Variants in ABCC5 observed in about 807,000 individuals in gnomAD.
ABCC5 encodes the protein ATP binding cassette subfamily C member 5.
ABCC5 carries 61 observed loss-of-function variants against 160.9 expected under a neutral mutation model. The observed-to-expected ratio is 0.38, with a 90% CI of 0.31 to 0.47. ABCC5 has a LOEUF of 0.47. Among genes scored for constraint, ABCC5 ranks in the 20% least tolerant of loss-of-function variants. The pLI is 0.99. For synonymous variants in ABCC5, 666 were observed against 700.6 expected (o/e 0.95, Z 0.78); for missense variants, 1,308 against 1,813.3 (o/e 0.72, Z 5.06).
At chr3:183,999,571 A>C (rs935698404) in intron 2 of ABCC5, among the ~76,000 whole-genome samples, 3 of 152,046 alleles carry the variant, frequency 2.0e-5, no homozygotes, top group Non-Finnish European at 4.4e-5. Context: ...TGAGCCCAGG[A>C]GTTCAAGACC....
intron 2 of ABCC5, among the ~76,000 whole-genome samples, chr3:183,990,106 T>TTTTTA (rs1257146843): frequency 1.3e-5 from 2 of 148,808 alleles, no homozygotes; most frequent in African/African-American, 2.5e-5. Context: ...CCCGGCCCTG[T>TTTTTA]TTTTATTTTA....
Position 183,921,257 on chromosome 3 carries a change from T to C in ABCC5, c.*43A>G, listed in dbSNP as rs767877223. On this transcript the variant is annotated 3_prime_UTR_variant, in exon 30 of 30. Transcript: ENST00000334444. The surrounding 1 kb of genome is among the most constrained non-coding windows in gnomAD (Gnocchi z 4.1). ...TGAGGGGCCCGCCCCAGGCAGGGAATGGCAATGCTCTAAAGAAAAGAGACT... is the reference window on the plus strand; with the variant it reads ...TGAGGGGCCCGCCCCAGGCAGGGAACGGCAATGCTCTAAAGAAAAGAGACT... 11 of 1,191,624 alleles carry C rather than the reference T, an allele frequency of 9.2e-6. No individual in the cohort carries two copies. The South Asian group carries it at 1.4e-4, about 16-fold the overall frequency. 73.8% of individuals were successfully genotyped at this position (1,191,624 alleles called of 1,614,324 possible).
At chr3:183,942,559 A>G (rs1714473010) in intron 25 of ABCC5, 168 bp downstream of exon 25, 1 of 820,696 alleles carries the variant, frequency 1.2e-6, no homozygotes, top group African/African-American at 1.7e-5. Flanking sequence ...AAAGCACTCA[A>G]TGTCATCAAA....
At chr3:183,979,046 A>T (rs1330632975) in intron 8 of ABCC5, among the ~76,000 whole-genome samples, 1 of 152,198 alleles carries the variant, frequency 6.6e-6, no homozygotes, top group Admixed American at 6.5e-5. Context: ...AGAATTAAAA[A>T]GGGAGGGACT....
At position 183,947,468 on chromosome 3, in the gene ABCC5, CA is replaced by C. The variant is rs749943218; in HGVS notation, c.3269del (p.Leu1090CysfsTer26). On this transcript the variant is annotated frameshift_variant, in exon 23 of 30. Transcript: ENST00000334444. LOFTEE classifies it high-confidence loss of function. ...CCAGCCACCGCATCGCACACGTAAA[CA>C]AAAAAAAAGGAGCTTGGTTGTCATC... ...LLDDNQAPFF[L>X]FTCAMRWLAV... The C allele has an allele frequency of 1.6e-4, 249 of 1,579,496 alleles. No individual in the cohort carries two copies. Among genetic ancestry groups the C allele is most frequent in the South Asian group, 5.8e-4 (50 of 86,412 alleles).
chr3:183,953,002 CA>C, intron 18 of ABCC5, 83 bp downstream of exon 18: 1 of 1,391,514 alleles, frequency 7.2e-7, no homozygotes, highest in South Asian at 1.4e-5. Flanking sequence ...AAAACTAGAA[CA>C]GTTTCCCTAA....
In ABCC5 at chr3:183,951,781, G is replaced by A. The variant is rs1715373957; in HGVS notation, c.2814+76C>T. 1 of 1,561,708 alleles carries A rather than the reference G, an allele frequency of 6.4e-7. No homozygotes were observed. Among genetic ancestry groups the A allele is most frequent in the African/African-American group, 1.3e-5 (1 of 74,180 alleles). On this transcript the variant is annotated intron_variant, in intron 19 of 29. Coordinates refer to ENST00000334444, the MANE Select transcript of ABCC5 (RefSeq NM_005688.4). The surrounding 1 kb of genome is among the most constrained non-coding windows in gnomAD (Gnocchi z 4.7). ...TTAAGGGAGCTCCCCTACTCAGCAT[G>A]AACTGAGAGACGCCACACCAAAGCC...
rs1715172836 is a variant in ABCC5, at chr3:183,949,795, G to C, written c.3185C>G (p.Ala1062Gly). Residue 1062 changes from alanine (A) to glycine (G), a missense_variant, in exon 22 of 30, where the codon GCC (alanine) becomes GGC (glycine). By Grantham distance (60) the Ala-to-Gly change is moderately conservative. This residue lies in a region of ABCC5 where 1,142 missense variants were observed against 1,527.1 expected (regional missense o/e 0.75). Coordinates refer to ENST00000334444, the MANE Select transcript of ABCC5 (RefSeq NM_005688.4). The surrounding 1 kb of genome is among the most constrained non-coding windows in gnomAD (Gnocchi z 4.2). ...CCCTTTATTGTAGGCGTGGATGGTG[G>C]CAAGGCCCTGTATGCTGGACGTGAT... ...SHITSSIQGLATIHAYNKGQE... is the reference protein window; with the variant it reads ...SHITSSIQGLGTIHAYNKGQE... 1 of 1,614,090 alleles carries C rather than the reference G, an allele frequency of 6.2e-7. No individual in the cohort carries two copies.
At chr3:183,994,979 G>T (rs1233133664) in intron 2 of ABCC5, among the ~76,000 whole-genome samples, 1 of 150,686 alleles carries the variant, frequency 6.6e-6, no homozygotes, top group Non-Finnish European at 1.5e-5. Flanking sequence ...CACCTCCCAA[G>T]TAGCTGGGAC....
At chr3:183,985,243 A>C in intron 5 of ABCC5, 1 of 1,380,738 alleles carries the variant, frequency 7.2e-7, no homozygotes, top group Non-Finnish European at 1.0e-6. Context: ...AGAAAACTTG[A>C]GACTGTTAGC....
At chr3:183,985,248 G>A in intron 5 of ABCC5, 1 of 1,427,870 alleles carries the variant, frequency 7.0e-7, no homozygotes. Context: ...ACTTGAGACT[G>A]TTAGCATAGC....
Position 183,949,754 on chromosome 3 carries a change from T to A in ABCC5, c.3226A>T (p.Arg1076Ter). 6.2e-7 allele frequency: 1 copy of A among 1,614,074 alleles called. No individual in the cohort carries two copies. Among genetic ancestry groups the A allele is most frequent in the Non-Finnish European group, 8.5e-7 (1 of 1,179,952 alleles). The change falls in exon 22 of 30, where the codon AGA becomes TGA. Residue 1076 changes from arginine to a stop codon, truncating the protein, a stop_gained and splice_region_variant. Transcript: ENST00000334444. LOFTEE classifies it high-confidence loss of function. This position sits in a 1 kb window ranked among gnomAD's most constrained non-coding sequence, Gnocchi z 4.2. ...AYNKGQEFLH[R>*]YQELLDDNQA... ...CCTCTAGCCCCCATCAGGACAAACCTGTGCAGAAACTCCTGCCCTTTATTG... is the reference window on the plus strand; with the variant it reads ...CCTCTAGCCCCCATCAGGACAAACCAGTGCAGAAACTCCTGCCCTTTATTG...
chr3:183,947,965 C>T (rs544899937), intron 22 of ABCC5, among the ~76,000 whole-genome samples: 1 of 152,316 alleles, frequency 6.6e-6, no homozygotes, highest in East Asian at 1.9e-4. Context: ...TAAGTGTGTG[C>T]ACATGCCGCC....
At chr3:183,959,647 T>C (rs2108814481) in intron 17 of ABCC5, 86 bp downstream of exon 17, 6 of 1,005,848 alleles carry the variant, frequency 6.0e-6, no homozygotes, top group East Asian at 4.8e-5. Context: ...CACACACTGC[T>C]ATCAAACATC....
At chr3:183,977,789 G>A (rs1718353991) in intron 9 of ABCC5, among the ~76,000 whole-genome samples, 165 bp from the exon 10 acceptor site, 1 of 151,538 alleles carries the variant, frequency 6.6e-6, no homozygotes. Context: ...GTCTCGCTCT[G>A]TCGCCCAGGC....
intron 26 of ABCC5, among the ~76,000 whole-genome samples, 153 bp downstream of exon 26, chr3:183,937,748 T>C (rs2108775173): frequency 1.3e-5 from 2 of 152,258 alleles, no homozygotes; most frequent in South Asian, 4.1e-4. Flanking sequence ...GCCTCTCCCT[T>C]CTGCACCAGC....
intron 17 of ABCC5, among the ~76,000 whole-genome samples, chr3:183,956,900 T>C (rs111488282): frequency 0.02 from 1,576 of 79,402 alleles, 10 homozygotes; most frequent in Non-Finnish European, 0.029. Context: ...GTGTATATCA[T>C]ATAGGTTACA....
chr3:183,962,537 T>C (rs1358651281), intron 15 of ABCC5, among the ~76,000 whole-genome samples: 1 of 151,346 alleles, frequency 6.6e-6, no homozygotes, highest in Non-Finnish European at 1.5e-5. Flanking sequence ...TTTTTCTTTT[T>C]TTTTTTTTTT....
chr3:183,927,254 G>T, intron 28 of ABCC5, 76 bp downstream of exon 28: 1 of 1,425,630 alleles, frequency 7.0e-7, no homozygotes, highest in Non-Finnish European at 9.7e-7. Flanking sequence ...GAATACCTTT[G>T]GACCCCAGTG....
Sources: gnomAD v4.1 joint callset for allele counts (sites outside exome capture counted in the v4.1 genomes callset) on GRCh38, gnomAD v4.1.1 for gene constraint, gnomAD v4.1.1 regional missense constraint, Gnocchi (gnomAD v3.1) non-coding constraint, MANE v1.5 for transcripts, NCBI Gene and HGNC (gene_info 2026-07-23, HGNC 2026-07-21) for gene names.